BNC2: variants seen among roughly 807,000 people sequenced by gnomAD.
BNC2 encodes basonuclin zinc finger protein 2.
Under a neutral mutation model 76.3 loss-of-function variants are expected in BNC2, and 20 were observed. The observed-to-expected ratio is 0.26, with a 90% CI of 0.18 to 0.38. The LOEUF (loss-of-function observed/expected upper bound fraction) is 0.38. Among genes scored for constraint, BNC2 ranks in the 10% least tolerant of loss-of-function variants. The pLI is 1.00. For synonymous variants in BNC2, 582 were observed against 514.8 expected, an observed-to-expected ratio of 1.13 and a Z score of -1.77; for missense variants, 1,382 against 1,399.8, an observed-to-expected ratio of 0.99 and a Z score of 0.20.
chr9:16,687,208 T>G lies in BNC2; in HGVS notation c.330+40589A>C, dbSNP rs909377048. On this transcript the variant is annotated intron_variant, in intron 3 of 6. Transcript: ENST00000380672. ...AGAATACATTTCCAAGAATTTAATT[T>G]TAAAAAAAAATGTAATAACTACATT... 2.0e-5 allele frequency among the ~76,000 whole-genome samples: 3 copies of G among 151,338 alleles called. No individual in the cohort carries two copies. In the East Asian group the frequency reaches 5.8e-4, roughly 29 times the overall value.
chr9:16,845,910 G>T (rs1047316438), intron 1 of BNC2, among the ~76,000 whole-genome samples: 2 of 152,036 alleles, frequency 1.3e-5, no homozygotes, highest in Non-Finnish European at 2.9e-5. Context: ...AGCACTTTGG[G>T]AGGCCGAGAC....
intron 1 of BNC2, among the ~76,000 whole-genome samples, chr9:16,792,619 T>C (rs1365897542): frequency 6.6e-6 from 1 of 152,214 alleles, no homozygotes; most frequent in African/African-American, 2.4e-5. Context: ...ATTCAATTCC[T>C]TCAATTCTAG....
At chr9:16,776,461 G>A (rs1214615351) in intron 1 of BNC2, among the ~76,000 whole-genome samples, 1 of 152,050 alleles carries the variant, frequency 6.6e-6, no homozygotes, top group African/African-American at 2.4e-5. Context: ...TTTAAATTCA[G>A]ATTAAAATTA....
intron 5 of BNC2, among the ~76,000 whole-genome samples, chr9:16,525,844 C>A (rs562226322): frequency 1.7e-4 from 26 of 152,248 alleles, no homozygotes; most frequent in South Asian, 8.3e-4. Flanking sequence ...TAGAACTATA[C>A]CCCAATATCA....
intron 3 of BNC2, among the ~76,000 whole-genome samples, chr9:16,606,883 G>A (rs1820402177): frequency 6.6e-6 from 1 of 152,210 alleles, no homozygotes; most frequent in Non-Finnish European, 1.5e-5. Flanking sequence ...TTTAAAAACA[G>A]GAATTTATCT....
chr9:16,806,913 T>A (rs917206890), intron 1 of BNC2, among the ~76,000 whole-genome samples: 1 of 152,182 alleles, frequency 6.6e-6, no homozygotes, highest in African/African-American at 2.4e-5. Flanking sequence ...AAAGAGACCA[T>A]CCAGAATCTG....
chr9:16,531,656 G>C (rs1264265332), intron 5 of BNC2, among the ~76,000 whole-genome samples: 4 of 151,878 alleles, frequency 2.6e-5, no homozygotes, highest in Non-Finnish European at 4.4e-5. Context: ...TTTATTTTAT[G>C]ACAGTTAACA....
intron 1 of BNC2, among the ~76,000 whole-genome samples, chr9:16,760,007 G>GCCA (rs544943996): frequency 6.6e-4 from 100 of 152,318 alleles, no homozygotes; most frequent in East Asian, 4.5e-3. Flanking sequence ...ACAGGCGTGA[G>GCCA]CCACCGCGCG....
chr9:16,674,542 T>A (rs1425672576), intron 3 of BNC2, among the ~76,000 whole-genome samples: 2 of 152,078 alleles, frequency 1.3e-5, no homozygotes, highest in Non-Finnish European at 2.9e-5. Context: ...TTTACTTATT[T>A]AATCAGGCAA....
At chr9:16,419,687 G>A in intron 6 of BNC2, 38 bp from the exon 7 acceptor site, 2 of 428,106 alleles carry the variant, frequency 4.7e-6, no homozygotes, top group Non-Finnish European at 9.1e-6. Context: ...ACGTGGATGG[G>A]GGGTGGGGAA....
intron 5 of BNC2, among the ~76,000 whole-genome samples, chr9:16,484,405 G>A (rs1180242893): frequency 6.6e-6 from 1 of 152,166 alleles, no homozygotes; most frequent in African/African-American, 2.4e-5. Context: ...GATAAAACAA[G>A]CTTTCCAGAT....
At chr9:16,447,710 C>T (rs536446824) in intron 5 of BNC2, among the ~76,000 whole-genome samples, 1 of 152,086 alleles carries the variant, frequency 6.6e-6, no homozygotes, top group South Asian at 2.1e-4. Context: ...AAGGAAACTG[C>T]CCAAAGACTC....
chr9:16,732,046 T>C (rs1244191038), intron 2 of BNC2, among the ~76,000 whole-genome samples: 1 of 151,926 alleles, frequency 6.6e-6, no homozygotes, highest in African/African-American at 2.4e-5. Context: ...AAAAGTGTGT[T>C]CTTTCTTGTT....
chr9:16,423,084 T>C (rs1820739738), intron 6 of BNC2, among the ~76,000 whole-genome samples: 2 of 152,340 alleles, frequency 1.3e-5, no homozygotes, highest in Admixed American at 1.3e-4. Flanking sequence ...GGGGACTCCC[T>C]GGCAGAGGAA....
rs897903252 is a variant in BNC2 at position 16,626,934 on chromosome 9, T to C, written c.331-43849A>G. Among the ~76,000 whole-genome samples, 94 of 152,298 alleles carry C rather than the reference T, an allele frequency of 6.2e-4. 1 individual carries two copies. The highest frequency in any genetic ancestry group is 2.0e-3 in the African/African-American group (85 of 41,570). ...CCCTGTTAATTTAATACCTGCCGCT[T>C]GTTTACCAAACAGCACGGGCATGTC... On this transcript the variant is annotated intron_variant, in intron 3 of 6. Transcript: ENST00000380672.
At chr9:16,850,909 A>C (rs911832878) in intron 1 of BNC2, among the ~76,000 whole-genome samples, 1 of 152,186 alleles carries the variant, frequency 6.6e-6, no homozygotes, top group African/African-American at 2.4e-5. Flanking sequence ...AGCTTATGTC[A>C]TGGAAGATTT....
chr9:16,773,923 T>A (rs4961757), intron 1 of BNC2, among the ~76,000 whole-genome samples: 35,082 of 152,094 alleles, frequency 0.23, 4,988 homozygotes, highest in East Asian at 0.66. Flanking sequence ...TCAGCTGTCA[T>A]ATAGAAAAAA....
chr9:16,843,281 T>G lies in BNC2; in HGVS notation c.3+27365A>C, dbSNP rs115111380. Among the ~76,000 whole-genome samples the G allele has an allele frequency of 9.6e-3, 1,457 of 152,338 alleles. 27 individuals are homozygous for G. The highest frequency in any genetic ancestry group is 0.033 in the African/African-American group (1,382 of 41,578). On this transcript the variant is annotated intron_variant, in intron 1 of 6. Transcript: ENST00000380672. ...GGGTTATAATTCTGTTTGTACTAGATAGTACTGAGATGTCATTTATGGTCG... is the reference window on the plus strand; with the variant it reads ...GGGTTATAATTCTGTTTGTACTAGAGAGTACTGAGATGTCATTTATGGTCG...
At chr9:16,711,814 T>C (rs1454232447) in intron 3 of BNC2, among the ~76,000 whole-genome samples, 1 of 152,234 alleles carries the variant, frequency 6.6e-6, no homozygotes, top group South Asian at 2.1e-4. Flanking sequence ...GTCTGCTTTA[T>C]TCAAAAATAC....
Sources: allele counts gnomAD v4.1 joint callset (sites outside exome capture counted in the v4.1 genomes callset), GRCh38; gene constraint gnomAD v4.1.1; transcripts MANE v1.5; gene names NCBI Gene and HGNC (gene_info 2026-07-23, HGNC 2026-07-21).